ITPK1: variants seen among roughly 807,000 people sequenced by gnomAD.
The protein encoded by ITPK1 is inositol-tetrakisphosphate 1-kinase.
Under a neutral mutation model 45.3 loss-of-function variants are expected in ITPK1, and 21 were observed. The observed-to-expected ratio is 0.46, with a 90% CI of 0.33 to 0.67. ITPK1 has a LOEUF of 0.67. Among genes scored for constraint, ITPK1 ranks in the 30% least tolerant of loss-of-function variants. The pLI is 0.02. For missense variants in ITPK1, 474 were observed against 573.5 expected, an observed-to-expected ratio of 0.83 and a Z score of 1.77; for synonymous variants, 258 against 253.6, an observed-to-expected ratio of 1.02 and a Z score of -0.16.
chr14:93,021,593 AAAAAAAAAAAG>A (rs776819792), intron 3 of ITPK1, among the ~76,000 whole-genome samples: 4,207 of 138,732 alleles, frequency 0.03, 98 homozygotes, highest in Non-Finnish European at 0.045. Context: ...ACCCTGTCTC[AAAAAAAAAAAG>A]AAAAGAAAAA....
At chr14:92,983,720 A>G (rs1886337302) in intron 5 of ITPK1, among the ~76,000 whole-genome samples, 1 of 152,220 alleles carries the variant, frequency 6.6e-6, no homozygotes, top group South Asian at 2.1e-4. Flanking sequence ...GAGATCTGCC[A>G]AAGTGAGGAA....
At chr14:93,039,107 C>T (rs1881094282) in intron 3 of ITPK1, among the ~76,000 whole-genome samples, 1 of 152,216 alleles carries the variant, frequency 6.6e-6, no homozygotes, top group African/African-American at 2.4e-5. Flanking sequence ...GCCCAGCTCT[C>T]ACGGGGGTGC....
At chr14:92,984,274 C>T (rs986691837) in intron 5 of ITPK1, among the ~76,000 whole-genome samples, 5 of 152,142 alleles carry the variant, frequency 3.3e-5, no homozygotes, top group Admixed American at 2.0e-4. Flanking sequence ...GAAGTGAGGG[C>T]GGCCAGAAGG....
At chr14:92,969,107 G>A (rs12587187) in intron 5 of ITPK1, among the ~76,000 whole-genome samples, 31,281 of 152,022 alleles carry the variant, frequency 0.21, 3,532 homozygotes, top group East Asian at 0.31. Context: ...AATAAGAAAC[G>A]TAGAGTACTA....
intron 3 of ITPK1, among the ~76,000 whole-genome samples, chr14:93,029,037 C>G (rs1888898217): frequency 6.6e-6 from 1 of 152,198 alleles, no homozygotes; most frequent in African/African-American, 2.4e-5. Flanking sequence ...CCCAGTTGTT[C>G]TAGAAACCAG....
intron 4 of ITPK1, among the ~76,000 whole-genome samples, chr14:93,004,766 C>T (rs929601787): frequency 2.6e-5 from 4 of 151,688 alleles, no homozygotes; most frequent in African/African-American, 7.3e-5. Flanking sequence ...AATAAAGGAG[C>T]AGAGGAGTGT....
At chr14:93,078,633 C>G (rs1891321275) in intron 2 of ITPK1, among the ~76,000 whole-genome samples, 2 of 152,128 alleles carry the variant, frequency 1.3e-5, no homozygotes, top group Admixed American at 6.5e-5. Context: ...AGATACACAA[C>G]AGCATAGCCC....
chr14:92,998,250 C>T (rs1566724862), intron 4 of ITPK1, among the ~76,000 whole-genome samples: 2 of 152,214 alleles, frequency 1.3e-5, no homozygotes, highest in South Asian at 2.1e-4. Context: ...CCTGCAACAC[C>T]TGGGCTCCTA....
chr14:93,106,491 C>G (rs1892530438), intron 2 of ITPK1, among the ~76,000 whole-genome samples: 1 of 152,180 alleles, frequency 6.6e-6, no homozygotes, highest in African/African-American at 2.4e-5. Context: ...GGTGTGTGGC[C>G]TCTACAAAGT....
intron 3 of ITPK1, among the ~76,000 whole-genome samples, chr14:93,055,430 C>T (rs1374288900): frequency 2.0e-5 from 3 of 152,120 alleles, no homozygotes; most frequent in Non-Finnish European, 2.9e-5. Context: ...CTTCATTTTT[C>T]TCCCAGTCCC....
intron 3 of ITPK1, among the ~76,000 whole-genome samples, chr14:93,045,875 A>C (rs1889749651): frequency 6.6e-6 from 1 of 152,064 alleles, no homozygotes; most frequent in Non-Finnish European, 1.5e-5. Context: ...TGTCCTCTGC[A>C]ACTACCTAAA....
At position 93,115,159 on chromosome 14, in the gene ITPK1, T is replaced by C; in HGVS notation, c.5A>G (p.Gln2Arg). 6.2e-7 allele frequency: 1 copy of C among 1,601,870 alleles called. No individual in the cohort carries two copies. The highest frequency in any genetic ancestry group is 8.5e-7 in the Non-Finnish European group (1 of 1,173,714). Residue 2 changes from glutamine (Q) to arginine (R), a missense_variant, in exon 2 of 11, where the codon CAG becomes CGG. Coordinates refer to ENST00000267615, the MANE Select transcript of ITPK1 (RefSeq NM_014216.6). ...AACTCTCTTCCCTTTCAGAAAGGTCTGCATCTTCCTCCTCGGGCGGGGAGC... is the reference window on the plus strand; with the variant it reads ...AACTCTCTTCCCTTTCAGAAAGGTCCGCATCTTCCTCCTCGGGCGGGGAGC... MQTFLKGKRVGY... is the reference protein window; with the variant it reads MRTFLKGKRVGY...
At chr14:92,965,205 T>C (rs548396573) in intron 5 of ITPK1, among the ~76,000 whole-genome samples, 2 of 152,264 alleles carry the variant, frequency 1.3e-5, no homozygotes, top group South Asian at 2.1e-4. Context: ...CTCATAACAA[T>C]AGCAGTGTCA....
At chr14:93,006,157 G>C (rs1887604298) in intron 4 of ITPK1, among the ~76,000 whole-genome samples, 1 of 152,182 alleles carries the variant, frequency 6.6e-6, no homozygotes, top group South Asian at 2.1e-4. Flanking sequence ...TGGTGCGCAG[G>C]GCAAGCCACA....
intron 2 of ITPK1, among the ~76,000 whole-genome samples, chr14:93,080,861 C>A (rs2139990713): frequency 6.6e-6 from 1 of 152,086 alleles, no homozygotes; most frequent in Admixed American, 6.5e-5. Context: ...TTCGGCCTCC[C>A]GAGTAGCTGG....
At chr14:93,007,524 A>G (rs1236561743) in intron 4 of ITPK1, among the ~76,000 whole-genome samples, 2 of 152,174 alleles carry the variant, frequency 1.3e-5, no homozygotes, top group African/African-American at 4.8e-5. Flanking sequence ...GGGAGAGAAC[A>G]GTCATCCAGA....
At chr14:93,053,158 T>A (rs1566758113) in intron 3 of ITPK1, among the ~76,000 whole-genome samples, 1 of 150,606 alleles carries the variant, frequency 6.6e-6, no homozygotes. Context: ...AAAATAATAA[T>A]AAAAAAAAAC....
At chr14:93,081,039 A>C (rs1891414190) in intron 2 of ITPK1, among the ~76,000 whole-genome samples, 1 of 151,562 alleles carries the variant, frequency 6.6e-6, no homozygotes, top group Non-Finnish European at 1.5e-5. Context: ...AGTTTCATTA[A>C]AAACCTGCAG....
At chr14:92,994,410 G>A (rs1318059818) in intron 4 of ITPK1, among the ~76,000 whole-genome samples, 2 of 152,164 alleles carry the variant, frequency 1.3e-5, no homozygotes, top group Non-Finnish European at 2.9e-5. Flanking sequence ...CTGCGGGAAG[G>A]TGTGGTGGAG....
Sources: allele counts gnomAD v4.1 joint callset (sites outside exome capture counted in the v4.1 genomes callset), GRCh38; gene constraint gnomAD v4.1.1; transcripts MANE v1.5; gene names NCBI Gene and HGNC (gene_info 2026-07-23, HGNC 2026-07-21).